MUC13: variants seen among roughly 807,000 people sequenced by gnomAD.
The protein encoded by MUC13 is mucin 13, cell surface associated.
Under a neutral mutation model 48.3 loss-of-function variants are expected in MUC13, and 32 were observed. That is an observed-to-expected ratio of 0.66 (90% CI 0.50 to 0.89). The LOEUF is 0.89. MUC13 is among the 40% of genes least tolerant of loss of function. MUC13 has a pLI of 0.00. For missense variants in MUC13, 571 were observed against 622.8 expected (o/e 0.92, Z 0.88); for synonymous variants, 199 against 224.9 (o/e 0.88, Z 1.03).
chr3:124,918,029 G>A (rs759123903), intron 5 of MUC13, among the ~76,000 whole-genome samples: 60 of 152,188 alleles, frequency 3.9e-4, no homozygotes, highest in Non-Finnish European at 2.8e-4. Context: ...ACTAGGCTTG[G>A]AGTTAAGACA....
At position 124,928,012 on chromosome 3, in the gene MUC13, C is replaced by G; in HGVS notation, c.53-19G>C. ...TTGGTGGCTGGAGGAACAAAGATAC[C>G]AAGTTTGAGGAGACAGTACATTGAA... On this transcript the variant is annotated intron_variant, in intron 1 of 11. Coordinates refer to ENST00000616727, the MANE Select transcript of MUC13 (RefSeq NM_033049.4). The G allele has an allele frequency of 6.6e-7, 1 of 1,506,774 alleles. No individual in the cohort carries two copies. The highest frequency in any genetic ancestry group is 8.9e-7 in the Non-Finnish European group (1 of 1,124,056). 93.3% of individuals were successfully genotyped at this position (1,506,774 alleles called of 1,614,324 possible).
At chr3:124,928,451 T>G (rs1265942916) in intron 1 of MUC13, among the ~76,000 whole-genome samples, 1 of 152,070 alleles carries the variant, frequency 6.6e-6, no homozygotes, top group Non-Finnish European at 1.5e-5. Flanking sequence ...TGATCATAGT[T>G]CACTGCAGCC....
chr3:124,912,533 C>T (rs1935440595), intron 8 of MUC13, among the ~76,000 whole-genome samples: 1 of 152,212 alleles, frequency 6.6e-6, no homozygotes, highest in South Asian at 2.1e-4. Context: ...ATGTTATTTA[C>T]AATCAGTTTC....
In MUC13 at chr3:124,920,290, C is replaced by T. The variant is rs1044331166; in HGVS notation, c.745-1G>A. 2 of 1,601,122 alleles carry T rather than the reference C, an allele frequency of 1.2e-6. No individual in the cohort carries two copies. The highest frequency in any genetic ancestry group is 1.7e-5 in the Admixed American group (1 of 58,718). ...CAGATGTGCCAAATACATCTTTAAA[C>T]TGTGGAGGAAAACAGATTTAATAAC... On this transcript the variant is annotated splice_acceptor_variant, in intron 4 of 11. Transcript: ENST00000616727. LOFTEE classifies it high-confidence loss of function.
chr3:124,910,233 C>T (rs1415092083), intron 10 of MUC13, among the ~76,000 whole-genome samples, 182 bp downstream of exon 10: 4 of 152,014 alleles, frequency 2.6e-5, no homozygotes, highest in South Asian at 2.1e-4. Context: ...GGTCCTGTGC[C>T]GCAGGAAAAG....
intron 1 of MUC13, among the ~76,000 whole-genome samples, chr3:124,930,760 T>C (rs1190941259): frequency 6.6e-6 from 1 of 152,148 alleles, no homozygotes; most frequent in Non-Finnish European, 1.5e-5. Context: ...TAGCTGAAAG[T>C]CACAATCAAA....
At chr3:124,916,573 G>T in intron 5 of MUC13, 93 bp from the exon 6 acceptor site, 1 of 1,329,288 alleles carries the variant, frequency 7.5e-7, no homozygotes, top group Non-Finnish European at 1.0e-6. Context: ...CCCGGCCCTA[G>T]TCCTGACCCG....
Position 124,923,508 on chromosome 3 carries a change from CTCA to C in MUC13, c.637+16_637+18del. Reference sequence around the variant, plus strand: ...TGTGAGATACAGAGCTCAGCCATGGCTCATCCCTTGTAACTCACCTTTCTTACA... The same window carrying C: ...TGTGAGATACAGAGCTCAGCCATGGCTCCCTTGTAACTCACCTTTCTTACA... On this transcript the variant is annotated intron_variant, in intron 3 of 11. Transcript: ENST00000616727. The C allele has an allele frequency of 7.4e-6, 12 of 1,611,196 alleles. No homozygotes were observed. Among genetic ancestry groups the C allele is most frequent in the Non-Finnish European group, 1.0e-5 (12 of 1,178,928 alleles).
chr3:124,924,749 T>C (rs182001157), intron 2 of MUC13, among the ~76,000 whole-genome samples: 82 of 152,296 alleles, frequency 5.4e-4, no homozygotes, highest in African/African-American at 1.8e-3. Flanking sequence ...TTATTTTTTA[T>C]TGTACATGAT....
At chr3:124,928,345 T>C (rs1263967669) in intron 1 of MUC13, among the ~76,000 whole-genome samples, 2 of 151,780 alleles carry the variant, frequency 1.3e-5, no homozygotes, top group African/African-American at 2.4e-5. Flanking sequence ...CTGGAAAAAA[T>C]GTTATTGAAA....
At position 124,913,114 on chromosome 3, in the gene MUC13, T is replaced by C. The variant is rs780667180; in HGVS notation, c.1211A>G (p.Gln404Arg). ...AAAACAAAGTTATTTTTCTTACTTTTGGCAGTTCCCATTAGCATCTTCCTG... is the reference window on the plus strand; with the variant it reads ...AAAACAAAGTTATTTTTCTTACTTTCGGCAGTTCCCATTAGCATCTTCCTG... The part of the protein sequence containing the change: ...GYQEDANGNC[Q>R]KCAFGYSGLD... Residue 404 changes from glutamine (Q) to arginine (R), a missense_variant, in exon 8 of 12, where the codon CAA becomes CGA. By Grantham distance (43) the Gln-to-Arg change is conservative. Coordinates refer to ENST00000616727, the MANE Select transcript of MUC13 (RefSeq NM_033049.4). 5.0e-6 allele frequency: 8 copies of C among 1,613,676 alleles called. No individual in the cohort carries two copies. The highest frequency in any genetic ancestry group is 1.3e-5 in the African/African-American group (1 of 74,890).
intron 10 of MUC13, among the ~76,000 whole-genome samples, chr3:124,909,846 C>T (rs1470618937): frequency 1.3e-5 from 2 of 151,786 alleles, no homozygotes; most frequent in Admixed American, 1.3e-4. Context: ...TTTTTAATGA[C>T]ATAAGGAAAT....
At position 124,908,081 on chromosome 3, in the gene MUC13, A is replaced by G. The variant is rs908532697; in HGVS notation, c.*66T>C. 7.3e-6 allele frequency: 11 copies of G among 1,502,662 alleles called. No individual in the cohort carries two copies. In the Admixed American group the frequency reaches 1.7e-4, roughly 23 times the overall value. 93.1% of individuals were successfully genotyped at this position (1,502,662 alleles called of 1,614,324 possible). On this transcript the variant is annotated intron_variant, in intron 11 of 11. Transcript: ENST00000616727. ...GCAGCCAAGGATTGAAGATTCAGCA[A>G]CCAGGTCTCTGCTCTGCCCTGGTGC...
rs140598435 is a variant in MUC13 at position 124,907,897 on chromosome 3, G to A, written c.*250C>T. Among the ~76,000 whole-genome samples the A allele has an allele frequency of 2.8e-4, 43 of 152,224 alleles. No homozygotes were observed. The East Asian group carries it at 8.3e-3, about 29-fold the overall frequency. Reference sequence around the variant, plus strand: ...GGGACCTTAGGGGTATCTAAATTAAGCTGACCTTTTTACAGATGAGAAAAT... The same window carrying A: ...GGGACCTTAGGGGTATCTAAATTAAACTGACCTTTTTACAGATGAGAAAAT... On this transcript the variant is annotated intron_variant, in intron 11 of 11. Coordinates refer to ENST00000616727, the MANE Select transcript of MUC13 (RefSeq NM_033049.4).
At chr3:124,908,874 C>G (rs1935368951) in intron 10 of MUC13, among the ~76,000 whole-genome samples, 1 of 152,220 alleles carries the variant, frequency 6.6e-6, no homozygotes, top group Non-Finnish European at 1.5e-5. Context: ...TGAAACGAGG[C>G]TGGGCTTGGT....
chr3:124,931,301 C>T (rs111233170), intron 1 of MUC13, among the ~76,000 whole-genome samples: 18 of 151,800 alleles, frequency 1.2e-4, no homozygotes, highest in African/African-American at 3.4e-4. Context: ...CATGGTGGCA[C>T]ACGCCTGTAG....
intron 1 of MUC13, 91 bp downstream of exon 1, chr3:124,934,570 G>T: frequency 1.2e-6 from 1 of 852,054 alleles, no homozygotes; most frequent in Non-Finnish European, 2.0e-6. Flanking sequence ...CATGTGCTGG[G>T]CTGGGAGAAT....
intron 1 of MUC13, among the ~76,000 whole-genome samples, chr3:124,928,839 A>C (rs1123831): frequency 0.99 from 150,866 of 152,342 alleles, 74,714 homozygotes; most frequent in Middle Eastern, 1. Context: ...GAAATGGACT[A>C]CTTTTGTCTT....
intron 5 of MUC13, among the ~76,000 whole-genome samples, chr3:124,919,582 T>C (rs940332100): frequency 1.3e-5 from 2 of 152,150 alleles, no homozygotes; most frequent in African/African-American, 4.8e-5. Context: ...CTGCTTTTCC[T>C]ACCTAACTTC....
Sources: allele counts gnomAD v4.1 joint callset (sites outside exome capture counted in the v4.1 genomes callset), GRCh38; gene constraint gnomAD v4.1.1; transcripts MANE v1.5; gene names NCBI Gene and HGNC (gene_info 2026-07-23, HGNC 2026-07-21).